The following GALK1 variants were observed in gnomAD, a reference collection of about 807,000 sequenced individuals.
GALK1 encodes the protein galactokinase.
GALK1 carries 30 observed loss-of-function variants against 38.6 expected under a neutral mutation model. That is an observed-to-expected ratio of 0.78 (90% CI 0.58 to 1.05). The LOEUF (loss-of-function observed/expected upper bound fraction) is 1.05. GALK1 is among the 50% of genes least tolerant of loss of function. The probability of loss-of-function intolerance (pLI) is 0.00; values close to 1 mark genes in which losing one functional copy is unlikely to be tolerated. For missense variants in GALK1, 512 were observed against 540.5 expected (o/e 0.95, Z 0.52); for synonymous variants, 240 against 233.6 (o/e 1.03, Z -0.25).
At chr17:75,764,220 G>C in intron 1 of GALK1, 134 bp from the exon 2 acceptor site, 1 of 918,028 alleles carries the variant, frequency 1.1e-6, no homozygotes, top group Non-Finnish European at 1.8e-6. Context: ...GCGTCGCAGG[G>C]AAGATCCTGA....
downstream of GALK1, chr17:75,756,768 A>C (rs770892854): frequency 6.2e-7 from 1 of 1,612,838 alleles, no homozygotes; most frequent in African/African-American, 1.3e-5. Context: ...CCCTGAGCCC[A>C]GACTCGCTGC....
intron 1 of GALK1, 128 bp from the exon 2 acceptor site, chr17:75,764,214 C>T (rs2061600786): frequency 2.1e-6 from 2 of 945,770 alleles, no homozygotes; most frequent in East Asian, 2.4e-5. Context: ...GGTTCAGCGT[C>T]GCAGGGAAGA....
chr17:75,753,609 C>T (rs1249186841), downstream of GALK1, among the ~76,000 whole-genome samples: 2 of 152,214 alleles, frequency 1.3e-5, no homozygotes, highest in East Asian at 3.9e-4. Flanking sequence ...CTTCCCGCTC[C>T]GGCCGTGCGC....
chr17:75,753,832 G>T, downstream of GALK1: 1 of 1,444,490 alleles, frequency 6.9e-7, no homozygotes, highest in Non-Finnish European at 9.1e-7. Flanking sequence ...CGTGGCGGCT[G>T]CCCCCGGAGC....
In GALK1 at chr17:75,765,091, C is replaced by A. The variant is rs1188094530; in HGVS notation, c.46G>T (p.Ala16Ser). 1.3e-6 allele frequency: 2 copies of A among 1,592,446 alleles called. No homozygotes were observed. The highest frequency in any genetic ancestry group is 1.8e-5 in the Admixed American group (1 of 56,830). The part of the protein sequence containing the change: ...QPQVAELLAE[A>S]RRAFREEFGA... ...AACTCCTCCCGGAAGGCTCGCCGGG[C>A]CTCGGCCAGCAGCTCCGCGACCTGG... Residue 16 changes from alanine to serine, a missense_variant, in exon 1 of 8, where the codon GCC (alanine) becomes TCC (serine). Coordinates refer to ENST00000588479, the MANE Select transcript of GALK1 (RefSeq NM_000154.2).
At chr17:75,764,211 C>T in intron 1 of GALK1, 125 bp from the exon 2 acceptor site, 1 of 958,166 alleles carries the variant, frequency 1.0e-6, no homozygotes, top group Non-Finnish European at 1.7e-6. Context: ...CCAGGTTCAG[C>T]GTCGCAGGGA....
Position 75,760,501 on chromosome 17 carries a change from T to C in GALK1, c.794-1902A>G, listed in dbSNP as rs910371597. ...TAGGCCAGGTGTAGTGGCTCACGCCTGTGCCTGTAATCCCAGCACTTTGGG... is the reference window on the plus strand; with the variant it reads ...TAGGCCAGGTGTAGTGGCTCACGCCCGTGCCTGTAATCCCAGCACTTTGGG... On this transcript the variant is annotated intron_variant, in intron 5 of 7. Coordinates refer to ENST00000588479, the MANE Select transcript of GALK1 (RefSeq NM_000154.2). Among the ~76,000 whole-genome samples the C allele has an allele frequency of 6.0e-5, 9 of 151,096 alleles. No individual in the cohort carries two copies. In the South Asian group the frequency reaches 1.7e-3, roughly 29 times the overall value.
Position 75,758,386 on chromosome 17 carries a change from A to G in GALK1, c.945-14T>C. The G allele has an allele frequency of 6.3e-7, 1 of 1,584,958 alleles. No individual in the cohort carries two copies. The highest frequency in any genetic ancestry group is 8.6e-7 in the Non-Finnish European group (1 of 1,166,196). ...TCATAGTCGTCTCTGCAGAGAGGATATTGAAGGGGTGGGCCTGGGCCGGCC... is the reference window on the plus strand; with the variant it reads ...TCATAGTCGTCTCTGCAGAGAGGATGTTGAAGGGGTGGGCCTGGGCCGGCC... On this transcript the variant is annotated splice_polypyrimidine_tract_variant and intron_variant, in intron 6 of 7. Coordinates refer to ENST00000588479, the MANE Select transcript of GALK1 (RefSeq NM_000154.2).
At chr17:75,755,121 G>A (rs1459879654), downstream of GALK1, 20 of 1,610,020 alleles carry the variant, frequency 1.2e-5, no homozygotes, top group Non-Finnish European at 1.6e-5. Flanking sequence ...GGGTCCCGGA[G>A]TCGGGCTCAG....
downstream of GALK1, chr17:75,756,990 C>T (rs766316382): frequency 2.4e-5 from 39 of 1,612,750 alleles, no homozygotes; most frequent in Admixed American, 3.3e-5. Context: ...CGAGAGCCGG[C>T]TGACCGTGCC....
Position 75,758,196 on chromosome 17 carries a change from T to C in GALK1, c.1107+14A>G, listed in dbSNP as rs779926252. On this transcript the variant is annotated intron_variant, in intron 7 of 7. Coordinates refer to ENST00000588479, the MANE Select transcript of GALK1 (RefSeq NM_000154.2). Reference sequence around the variant, plus strand: ...CTGCCGCTCCTGCCCGCCCAGGCCCTGGTGCCCGCCCACCTGGATGTGCCG... The same window carrying C: ...CTGCCGCTCCTGCCCGCCCAGGCCCCGGTGCCCGCCCACCTGGATGTGCCG... 43 of 1,608,184 alleles carry C rather than the reference T, an allele frequency of 2.7e-5. No homozygotes were observed. The Admixed American group carries it at 7.1e-4, about 27-fold the overall frequency.
intron 4 of GALK1, 44 bp downstream of exon 4, chr17:75,762,970 C>G (rs2061593981): frequency 1.2e-6 from 2 of 1,611,826 alleles, no homozygotes; most frequent in African/African-American, 1.3e-5. Context: ...CACCCAGGAG[C>G]TGCTGAGTGC....
rs752876313 is a variant in GALK1 at position 75,758,575 on chromosome 17, T to C, written c.818A>G (p.Glu273Gly). The C allele has an allele frequency of 6.3e-7, 1 of 1,596,870 alleles. No individual in the cohort carries two copies. Among genetic ancestry groups the C allele is most frequent in the Non-Finnish European group, 8.5e-7 (1 of 1,177,862 alleles). Residue 273 changes from glutamate (E) to glycine (G), a missense_variant, in exon 6 of 8, where the codon GAG (glutamate) becomes GGG (glycine). Coordinates refer to ENST00000588479, the MANE Select transcript of GALK1 (RefSeq NM_000154.2). ...LEAARDLVSKEGFRRARHVVG... is the reference protein window; with the variant it reads ...LEAARDLVSKGGFRRARHVVG... ...CACGTGCCGGGCCCGCCGGAAGCCCTCTTTGCTCACCAGGTCCCTGGCAGC... is the reference window on the plus strand; with the variant it reads ...CACGTGCCGGGCCCGCCGGAAGCCCCCTTTGCTCACCAGGTCCCTGGCAGC...
downstream of GALK1, chr17:75,755,166 ACT>A (rs746404431): frequency 3.1e-6 from 5 of 1,610,250 alleles, no homozygotes; most frequent in South Asian, 3.3e-5. Flanking sequence ...GGCCCACGAG[ACT>A]CTATAATCCT....
chr17:75,755,515 C>T (rs1024922796), downstream of GALK1, among the ~76,000 whole-genome samples: 5 of 152,154 alleles, frequency 3.3e-5, no homozygotes, highest in Non-Finnish European at 5.9e-5. Flanking sequence ...AGGGCCTGCA[C>T]CCTGCTGGAG....
chr17:75,753,729 C>A (rs753409245), downstream of GALK1: 13 of 1,350,238 alleles, frequency 9.6e-6, no homozygotes, highest in African/African-American at 1.3e-4. Flanking sequence ...CCGGCGCCCC[C>A]CGGCGGTGCC....
chr17:75,762,807 G>C lies in GALK1; in HGVS notation c.690C>G (p.Ser230=). Residue 230 remains serine (S), a synonymous_variant, in exon 5 of 8, where the codon TCC becomes TCG. Coordinates refer to ENST00000588479, the MANE Select transcript of GALK1 (RefSeq NM_000154.2). ...VLITNSNVRH[S]LASSEYPVRR... ...GCACAGGGTACTCGCTGGAGGCCAG[G>C]GAGTGGCGGACATTAGAGTTGGTGA... 1 of 1,613,820 alleles carries C rather than the reference G, an allele frequency of 6.2e-7. No homozygotes were observed. The highest frequency in any genetic ancestry group is 8.5e-7 in the Non-Finnish European group (1 of 1,179,972).
intron 8 of GALK1, chr17:75,752,643 G>C (rs1002332117): frequency 1.3e-6 from 2 of 1,595,834 alleles, no homozygotes; most frequent in African/African-American, 1.3e-5. Context: ...AGTCCACTGG[G>C]TCCAGAGAGG....
Position 75,763,352 on chromosome 17 carries a change from G to A in GALK1, c.443C>T (p.Ala148Val). ...GLSSSASLEV[A>V]TYTFLQQLCP... is the part of the protein sequence containing the mutation. ...GAGCTGCTGGAGGAAGGTGTACGTG[G>A]CCACTTCCAAGGATGCTGAGCTGGA... The change falls in exon 3 of 8, where the codon GCC becomes GTC. Residue 148 changes from alanine (A) to valine (V), a missense_variant. Ala to Val is a moderately conservative substitution (Grantham distance 64, BLOSUM62 0). Coordinates refer to ENST00000588479, the MANE Select transcript of GALK1 (RefSeq NM_000154.2). 1 of 1,613,930 alleles carries A rather than the reference G, an allele frequency of 6.2e-7. No homozygotes were observed. Among genetic ancestry groups the A allele is most frequent in the Non-Finnish European group, 8.5e-7 (1 of 1,179,980 alleles).
Sources: allele counts gnomAD v4.1 joint callset (sites outside exome capture counted in the v4.1 genomes callset), GRCh38; gene constraint gnomAD v4.1.1; transcripts MANE v1.5; gene names NCBI Gene and HGNC (gene_info 2026-07-23, HGNC 2026-07-21).